The following OXR1 variants were observed in gnomAD, a reference collection of about 807,000 sequenced individuals.
The protein encoded by OXR1 is oxidation resistance 1.
Under a neutral mutation model 104.6 loss-of-function variants are expected in OXR1, and 41 were observed. The observed-to-expected ratio is 0.39, with a 90% CI of 0.31 to 0.51. The LOEUF (loss-of-function observed/expected upper bound fraction) is 0.51, where lower values mean the gene tolerates loss of function less well. OXR1 is among the 20% of genes least tolerant of loss of function. OXR1 has a pLI of 0.77. For missense variants in OXR1, 955 were observed against 1,031.9 expected, an observed-to-expected ratio of 0.93 and a Z score of 1.02; for synonymous variants, 348 against 348.4, an observed-to-expected ratio of 1.00 and a Z score of 0.01.
intron 11 of OXR1, among the ~76,000 whole-genome samples, chr8:106,722,809 G>A (rs928317096): frequency 6.6e-6 from 1 of 152,122 alleles, no homozygotes; most frequent in African/African-American, 2.4e-5. Context: ...CTGTCATTAT[G>A]TGATATATGA....
At chr8:106,280,599 T>A (rs1812240231) in intron 1 of OXR1, among the ~76,000 whole-genome samples, 1 of 152,068 alleles carries the variant, frequency 6.6e-6, no homozygotes, top group South Asian at 2.1e-4. Flanking sequence ...GGAGTCAGTG[T>A]TTAATGGGTA....
intron 3 of OXR1, among the ~76,000 whole-genome samples, chr8:106,562,877 A>G (rs970581739): frequency 2.6e-5 from 4 of 152,226 alleles, no homozygotes; most frequent in Non-Finnish European, 5.9e-5. Context: ...ACTAAGCTTC[A>G]TAAGTGAAGG....
intron 1 of OXR1, among the ~76,000 whole-genome samples, chr8:106,352,103 C>T (rs1815750890): frequency 6.6e-6 from 1 of 151,858 alleles, no homozygotes; most frequent in Admixed American, 6.6e-5. Context: ...GACAGCTAAA[C>T]TGGAAAGGGG....
chr8:106,692,967 A>G lies in OXR1; in HGVS notation c.675+90A>G, dbSNP rs28921405. On this transcript the variant is annotated intron_variant, in intron 7 of 16. Coordinates refer to ENST00000517566, the MANE Select transcript of OXR1 (RefSeq NM_001198533.2). ...TTGGCATTTACATTTTAAGTCATCA[A>G]TGTCAGAAAATGCTTGAATATTATA... is the stretch of plus-strand genomic sequence containing the variant. The G allele has an allele frequency of 9.1e-3, 7,956 of 876,152 alleles. 93 individuals are homozygous for G. Among genetic ancestry groups the G allele is most frequent in the African/African-American group, 0.048 (2,806 of 58,776 alleles). 54.3% of individuals were successfully genotyped at this position (876,152 alleles called of 1,614,324 possible).
intron 2 of OXR1, among the ~76,000 whole-genome samples, chr8:106,512,713 A>G (rs1812616549): frequency 6.6e-6 from 1 of 152,176 alleles, no homozygotes; most frequent in Admixed American, 6.5e-5. Flanking sequence ...GATGAAAAGC[A>G]TTGCTTGGTT....
intron 2 of OXR1, among the ~76,000 whole-genome samples, chr8:106,389,104 C>T (rs549754566): frequency 3.9e-4 from 59 of 152,194 alleles, no homozygotes; most frequent in South Asian, 1.5e-3. Context: ...CTTTCCAAAC[C>T]TCAAAAACTC....
At chr8:106,475,696 C>G (rs1188308016) in intron 2 of OXR1, among the ~76,000 whole-genome samples, 1 of 151,852 alleles carries the variant, frequency 6.6e-6, no homozygotes. Flanking sequence ...TAATTGGAAC[C>G]CTTCTGCCAG....
intron 1 of OXR1, among the ~76,000 whole-genome samples, chr8:106,274,608 C>CCA (rs1554616301): frequency 7.0e-6 from 1 of 143,260 alleles, no homozygotes; most frequent in Non-Finnish European, 1.5e-5. Context: ...CCACCCCCCC[C>CCA]CCGACCCCGC....
chr8:106,443,275 AT>A (rs1297335866), intron 2 of OXR1, among the ~76,000 whole-genome samples: 1 of 151,848 alleles, frequency 6.6e-6, no homozygotes, highest in Non-Finnish European at 1.5e-5. Flanking sequence ...GAGACTGTTT[AT>A]TATAATTTCA....
At chr8:106,461,104 T>C (rs1820887744) in intron 2 of OXR1, among the ~76,000 whole-genome samples, 2 of 152,130 alleles carry the variant, frequency 1.3e-5, no homozygotes, top group African/African-American at 4.8e-5. Context: ...GTTAGATTTG[T>C]CCTGTATGGC....
intron 3 of OXR1, among the ~76,000 whole-genome samples, chr8:106,597,447 T>C (rs901305947): frequency 1.3e-5 from 2 of 152,196 alleles, no homozygotes; most frequent in East Asian, 1.9e-4. Flanking sequence ...AATCATTTTA[T>C]GATATTTTTG....
At chr8:106,510,700 G>A (rs991841701) in intron 2 of OXR1, among the ~76,000 whole-genome samples, 1 of 152,076 alleles carries the variant, frequency 6.6e-6, no homozygotes, top group African/African-American at 2.4e-5. Context: ...AGAATTTCTT[G>A]TTTTTTTGTT....
intron 2 of OXR1, among the ~76,000 whole-genome samples, chr8:106,407,938 G>A (rs943508001): frequency 3.3e-5 from 5 of 152,134 alleles, no homozygotes; most frequent in African/African-American, 4.8e-5. Context: ...TCCCCACTAC[G>A]TTTTGTGCTA....
At chr8:106,734,751 A>C (rs1322193003) in intron 11 of OXR1, among the ~76,000 whole-genome samples, 1 of 152,198 alleles carries the variant, frequency 6.6e-6, no homozygotes, top group Admixed American at 6.5e-5. Context: ...AAGGCTTAGG[A>C]AAATACTTTC....
intron 3 of OXR1, among the ~76,000 whole-genome samples, chr8:106,653,377 C>G (rs1308063211): frequency 6.6e-6 from 1 of 151,476 alleles, no homozygotes; most frequent in East Asian, 1.9e-4. Context: ...AACAGAATAC[C>G]AACAAACCAA....
chr8:106,652,692 G>A (rs1490852054), intron 3 of OXR1, among the ~76,000 whole-genome samples: 1 of 143,718 alleles, frequency 7.0e-6, no homozygotes, highest in African/African-American at 2.5e-5. Context: ...TCTGCCTTAT[G>A]AAACTAGGGA....
chr8:106,492,530 G>C (rs1811157695), intron 2 of OXR1, among the ~76,000 whole-genome samples: 1 of 152,102 alleles, frequency 6.6e-6, no homozygotes, highest in African/African-American at 2.4e-5. Context: ...TCTTTGGCAG[G>C]CGTACCAAGT....
At chr8:106,562,386 C>T (rs1014255398) in intron 3 of OXR1, among the ~76,000 whole-genome samples, 2 of 151,844 alleles carry the variant, frequency 1.3e-5, no homozygotes, top group African/African-American at 4.8e-5. Flanking sequence ...TGAAGATCAA[C>T]TTAATGAAAT....
intron 1 of OXR1, among the ~76,000 whole-genome samples, chr8:106,306,044 G>A (rs1813451856): frequency 6.6e-6 from 1 of 151,124 alleles, no homozygotes; most frequent in African/African-American, 2.4e-5. Context: ...TTCCTTCAGA[G>A]CTCTTTTTTT....
Sources: gnomAD v4.1 joint callset for allele counts (sites outside exome capture counted in the v4.1 genomes callset) on GRCh38, gnomAD v4.1.1 for gene constraint, MANE v1.5 for transcripts, NCBI Gene and HGNC (gene_info 2026-07-23, HGNC 2026-07-21) for gene names.